The following TSHZ3 variants were observed in gnomAD, a reference collection of about 807,000 sequenced individuals.
TSHZ3 encodes the protein teashirt zinc finger homeobox 3.
TSHZ3 carries 10 observed loss-of-function variants against 64.5 expected under a neutral mutation model. That is an observed-to-expected ratio of 0.16 (90% CI 0.10 to 0.26). The LOEUF (loss-of-function observed/expected upper bound fraction) is 0.26, where lower values mean the gene tolerates loss of function less well. TSHZ3 is among the 10% of genes least tolerant of loss of function. The pLI is 1.00. For synonymous variants in TSHZ3, 608 were observed against 593.1 expected (o/e 1.03, Z -0.36); for missense variants, 1,242 against 1,421.7 (o/e 0.87, Z 2.03).
At chr19:31,214,824 C>G (rs1311677079) in intron 4 of TSHZ3, among the ~76,000 whole-genome samples, 1 of 146,588 alleles carries the variant, frequency 6.8e-6, no homozygotes, top group Non-Finnish European at 1.5e-5. Flanking sequence ...AGGAGAATGG[C>G]GTGAACCCGG....
intron 5 of TSHZ3, among the ~76,000 whole-genome samples, chr19:31,172,421 C>G (rs1247326692): frequency 6.6e-6 from 1 of 152,204 alleles, no homozygotes; most frequent in Non-Finnish European, 1.5e-5. Flanking sequence ...CAGTACAAAT[C>G]TCCCATGTAC....
intron 4 of TSHZ3, among the ~76,000 whole-genome samples, chr19:31,214,255 A>C (rs866558082): frequency 2.6e-5 from 4 of 152,214 alleles, no homozygotes; most frequent in South Asian, 2.1e-4. Flanking sequence ...TCCCAGCCGC[A>C]GGGTAACCAG....
intron 1 of TSHZ3, among the ~76,000 whole-genome samples, chr19:31,339,727 T>G (rs1917367838): frequency 6.6e-6 from 1 of 151,752 alleles, no homozygotes; most frequent in Non-Finnish European, 1.5e-5. Context: ...AGTGCATACT[T>G]AGGGCAGGGT....
intron 1 of TSHZ3, among the ~76,000 whole-genome samples, chr19:31,327,970 G>A (rs1807702944): frequency 6.6e-6 from 1 of 152,190 alleles, no homozygotes; most frequent in Non-Finnish European, 1.5e-5. Context: ...TAAGGCATTT[G>A]ACAACATCAT....
intron 3 of TSHZ3, among the ~76,000 whole-genome samples, chr19:31,240,589 A>C (rs1040419969): frequency 2.0e-5 from 3 of 152,222 alleles, no homozygotes; most frequent in African/African-American, 7.2e-5. Flanking sequence ...AGTTATCATA[A>C]ATATAGCTTT....
chr19:31,290,976 C>T (rs1001073905), intron 1 of TSHZ3, among the ~76,000 whole-genome samples: 1 of 152,200 alleles, frequency 6.6e-6, no homozygotes, highest in African/African-American at 2.4e-5. Flanking sequence ...GTTGGGTATC[C>T]CTGTGTTAAT....
In TSHZ3 at chr19:31,276,684, G is replaced by C. The variant is rs1184138566; in HGVS notation, c.3109C>G (p.Leu1037Val). The C allele has an allele frequency of 1.2e-6, 2 of 1,613,856 alleles. No homozygotes were observed. The highest frequency in any genetic ancestry group is 1.7e-6 in the Non-Finnish European group (2 of 1,179,746). ...KMVTSSPEEDLGTSYQCKLCN... is the reference protein window; with the variant it reads ...KMVTSSPEEDVGTSYQCKLCN... ...AGTTTGCACTGATAGGAAGTCCCCA[G>C]GTCTTCCTCGGGGGAGGACGTCACC... Residue 1037 changes from leucine to valine, a missense_variant, in exon 2 of 2, where the codon CTG becomes GTG. Leu to Val is a conservative substitution (Grantham distance 32). Transcript: ENST00000240587.
chr19:31,238,538 G>A (rs975608681), intron 3 of TSHZ3, among the ~76,000 whole-genome samples: 1 of 152,150 alleles, frequency 6.6e-6, no homozygotes, highest in Non-Finnish European at 1.5e-5. Flanking sequence ...TTACAGGCGT[G>A]AGCCATTGTG....
At chr19:31,350,877 T>C (rs1054190869), upstream of TSHZ3, among the ~76,000 whole-genome samples, 3 of 145,644 alleles carry the variant, frequency 2.1e-5, no homozygotes, top group African/African-American at 7.4e-5. Context: ...AGGCCGGGAA[T>C]GGGGCGGCCG....
chr19:31,207,203 A>C (rs542825876), intron 4 of TSHZ3, among the ~76,000 whole-genome samples: 2 of 152,366 alleles, frequency 1.3e-5, no homozygotes, highest in Non-Finnish European at 2.9e-5. Context: ...ATTAAAGTAC[A>C]AAAGTCTATT....
intron 3 of TSHZ3, among the ~76,000 whole-genome samples, chr19:31,228,288 G>A (rs1975496916): frequency 6.6e-6 from 1 of 152,098 alleles, no homozygotes; most frequent in South Asian, 2.1e-4. Flanking sequence ...CACTTCTGGA[G>A]GTCAAGGTGG....
At chr19:31,255,324 AGCTGCTGGCTG>A (rs1390952085) in intron 1 of TSHZ3, among the ~76,000 whole-genome samples, 2 of 152,116 alleles carry the variant, frequency 1.3e-5, no homozygotes, top group Non-Finnish European at 1.5e-5. Flanking sequence ...CTGAAACCCC[AGCTGCTGGCTG>A]GAGTGGGAGG....
At chr19:31,237,776 C>A (rs1196181253) in intron 3 of TSHZ3, among the ~76,000 whole-genome samples, 3 of 152,112 alleles carry the variant, frequency 2.0e-5, no homozygotes, top group Non-Finnish European at 4.4e-5. Flanking sequence ...GTACACTGCA[C>A]CCAACAAAGT....
At chr19:31,218,553 A>G (rs959523020) in intron 4 of TSHZ3, among the ~76,000 whole-genome samples, 2 of 152,208 alleles carry the variant, frequency 1.3e-5, no homozygotes, top group Admixed American at 1.3e-4. Context: ...ACTCCTAGAT[A>G]TACCCAAGAG....
chr19:31,249,787 C>T (rs1975811214), intron 1 of TSHZ3, among the ~76,000 whole-genome samples: 1 of 152,186 alleles, frequency 6.6e-6, no homozygotes, highest in South Asian at 2.1e-4. Context: ...TTCATCTCCC[C>T]AACCCCAGCT....
At chr19:31,327,029 C>T (rs910631841) in intron 1 of TSHZ3, among the ~76,000 whole-genome samples, 1 of 152,066 alleles carries the variant, frequency 6.6e-6, no homozygotes, top group Non-Finnish European at 1.5e-5. Context: ...GACTCTCCTT[C>T]CTTACAGCAC....
At chr19:31,347,443 T>C (rs1466034617) in intron 1 of TSHZ3, among the ~76,000 whole-genome samples, 2 of 151,954 alleles carry the variant, frequency 1.3e-5, no homozygotes, top group African/African-American at 4.8e-5. Flanking sequence ...TTAAAATGTG[T>C]ATCCAAAAAG....
chr19:31,323,546 C>CTGGG (rs1449657842), intron 1 of TSHZ3, among the ~76,000 whole-genome samples: 3 of 152,070 alleles, frequency 2.0e-5, no homozygotes, highest in African/African-American at 7.2e-5. Flanking sequence ...TTGTTCACCT[C>CTGGG]TACACAGCTT....
At chr19:31,295,465 C>T (rs1976645777) in intron 1 of TSHZ3, among the ~76,000 whole-genome samples, 1 of 152,192 alleles carries the variant, frequency 6.6e-6, no homozygotes, top group Non-Finnish European at 1.5e-5. Context: ...TGCTAGAGTG[C>T]CATGCCACAG....
Sources: gnomAD v4.1 joint callset for allele counts (sites outside exome capture counted in the v4.1 genomes callset) on GRCh38, gnomAD v4.1.1 for gene constraint, MANE v1.5 for transcripts, NCBI Gene and HGNC (gene_info 2026-07-23, HGNC 2026-07-21) for gene names.